Variants in PCDHGB6 observed in about 807,000 individuals in gnomAD.
PCDHGB6 encodes the protein protocadherin gamma subfamily B, 6, also known as protocadherin gamma-B6.
Under a neutral mutation model 59.1 loss-of-function variants are expected in PCDHGB6, and 51 were observed. The ratio of observed to expected loss-of-function variants is 0.86; its 90% CI spans 0.69 to 1.09. The LOEUF is 1.09. Among genes scored for constraint, PCDHGB6 ranks in the 50% least tolerant of loss-of-function variants. PCDHGB6 has a pLI of 0.00. For synonymous variants in PCDHGB6, 466 were observed against 495.1 expected (o/e 0.94, Z 0.78); for missense variants, 1,148 against 1,205.1 (o/e 0.95, Z 0.70).
At chr5:141,413,550 A>C (rs2095653911) in intron 1 of PCDHGB6, 1 of 1,613,974 alleles carries the variant, frequency 6.2e-7, no homozygotes, top group Non-Finnish European at 8.5e-7. Context: ...GGATAGAAAT[A>C]GAAGTAACTG....
At position 141,432,349 on chromosome 5, in the gene PCDHGB6, G is replaced by T; in HGVS notation, c.2418+21729G>T. On this transcript the variant is annotated intron_variant, in intron 1 of 3. Transcript: ENST00000520790. This position sits in a 1 kb window ranked among gnomAD's most constrained non-coding sequence, Gnocchi z 6.0. Reference sequence around the variant, plus strand: ...ACGAGCAGTTCCGAGACTTGCAAGTGAAAGTGATGGCGCGGGACAACGGGC... The same window carrying T: ...ACGAGCAGTTCCGAGACTTGCAAGTTAAAGTGATGGCGCGGGACAACGGGC... 4 of 1,614,240 alleles carry T rather than the reference G, an allele frequency of 2.5e-6. No homozygotes were observed. Among genetic ancestry groups the T allele is most frequent in the Non-Finnish European group, 1.7e-6 (2 of 1,180,046 alleles).
chr5:141,415,739 G>A, intron 1 of PCDHGB6: 4 of 434,948 alleles, frequency 9.2e-6, no homozygotes, highest in Non-Finnish European at 1.3e-5. Context: ...TGTTTATTAA[G>A]GTTTTTTTTT....
In PCDHGB6 at chr5:141,418,608, GC is replaced by G. The variant is rs1422456031; in HGVS notation, c.2418+7990del. On this transcript the variant is annotated intron_variant, in intron 1 of 3. Transcript: ENST00000520790. Reference sequence around the variant, plus strand: ...TTCAGCCAGGACGTGTACAGGGTTAGCCTTCGGGAAGACGTGCCTCCAGGCA... The same window carrying G: ...TTCAGCCAGGACGTGTACAGGGTTAGCTTCGGGAAGACGTGCCTCCAGGCA... 4 of 1,613,922 alleles carry G rather than the reference GC, an allele frequency of 2.5e-6. No individual in the cohort carries two copies. In the African/African-American group the frequency reaches 5.3e-5, roughly 22 times the overall value.
At chr5:141,457,500 A>G (rs1483244745) in intron 1 of PCDHGB6, among the ~76,000 whole-genome samples, 1 of 152,244 alleles carries the variant, frequency 6.6e-6, no homozygotes, top group African/African-American at 2.4e-5. Context: ...AAATGTAGGC[A>G]AAAAGCTTAA....
At chr5:141,510,862 C>T (rs764422869) in intron 3 of PCDHGB6, 85 bp from the exon 4 acceptor site, 22 of 1,606,772 alleles carry the variant, frequency 1.4e-5, no homozygotes, top group Non-Finnish European at 1.7e-5. Flanking sequence ...GCTGTATAGG[C>T]ATTCATTAAC....
intron 2 of PCDHGB6, among the ~76,000 whole-genome samples, chr5:141,505,177 A>G (rs917485235): frequency 6.6e-6 from 1 of 152,180 alleles, no homozygotes; most frequent in East Asian, 1.9e-4. Flanking sequence ...AAAAGAAAAA[A>G]GCATCGGAGG....
chr5:141,450,071 A>G (rs1039802551), intron 1 of PCDHGB6, among the ~76,000 whole-genome samples: 3 of 139,286 alleles, frequency 2.2e-5, no homozygotes, highest in Non-Finnish European at 3.0e-5. Flanking sequence ...CAGTGGTATG[A>G]TCTTGGCTCA....
At position 141,432,783 on chromosome 5, in the gene PCDHGB6, T is replaced by G; in HGVS notation, c.2418+22163T>G. The G allele has an allele frequency of 6.2e-7, 1 of 1,614,118 alleles. No individual in the cohort carries two copies. On this transcript the variant is annotated intron_variant, in intron 1 of 3. Transcript: ENST00000520790. The surrounding 1 kb of genome is among the most constrained non-coding windows in gnomAD (Gnocchi z 6.0). ...AGCATCCCCCAAGTCCTGGCGGACC[T>G]CGGCAGCCTCGAGTCTCCAGCTAAC...
chr5:141,429,330 T>C (rs2097204620), intron 1 of PCDHGB6, among the ~76,000 whole-genome samples: 1 of 152,188 alleles, frequency 6.6e-6, no homozygotes, highest in East Asian at 1.9e-4. Flanking sequence ...CTTTAATCCA[T>C]TAACTATAAA....
At chr5:141,492,382 T>C (rs71583650) in intron 1 of PCDHGB6, among the ~76,000 whole-genome samples, 2,103 of 152,322 alleles carry the variant, frequency 0.014, 36 homozygotes, top group African/African-American at 0.031. Flanking sequence ...ACAGGCCTGT[T>C]CCGGTCCACT....
chr5:141,433,236 C>G, intron 1 of PCDHGB6: 2 of 1,501,160 alleles, frequency 1.3e-6, no homozygotes, highest in South Asian at 1.3e-5. Flanking sequence ...CTCTGTCTCC[C>G]AAGCTGGAAT....
intron 2 of PCDHGB6, among the ~76,000 whole-genome samples, chr5:141,498,971 G>GGAA (rs2099787559): frequency 9.0e-6 from 1 of 110,972 alleles, no homozygotes; most frequent in African/African-American, 3.6e-5. Flanking sequence ...GAGGGAGGGA[G>GGAA]GGAAGGAAGG....
intron 1 of PCDHGB6, among the ~76,000 whole-genome samples, chr5:141,469,088 G>A (rs1388316490): frequency 6.6e-6 from 1 of 151,604 alleles, no homozygotes; most frequent in Non-Finnish European, 1.5e-5. Context: ...ACCATTCTAG[G>A]CAACAAAGCA....
intron 3 of PCDHGB6, among the ~76,000 whole-genome samples, chr5:141,509,211 C>T (rs962706371): frequency 2.0e-5 from 3 of 152,180 alleles, no homozygotes; most frequent in African/African-American, 4.8e-5. Context: ...CTCTCTATTT[C>T]TCAATCCCTG....
chr5:141,476,158 G>A lies in PCDHGB6; in HGVS notation c.2419-18649G>A. 2 of 1,612,868 alleles carry A rather than the reference G, an allele frequency of 1.2e-6. No homozygotes were observed. Among genetic ancestry groups the A allele is most frequent in the Non-Finnish European group, 1.7e-6 (2 of 1,179,894 alleles). On this transcript the variant is annotated intron_variant, in intron 1 of 3. Transcript: ENST00000520790. The surrounding 1 kb of genome is among the most constrained non-coding windows in gnomAD (Gnocchi z 7.6). ...GGAGGAGCGGACTGGTAAGCACCGGGAGGGTAGTGGGAGTTTTGCTTCTGC... is the reference window on the plus strand; with the variant it reads ...GGAGGAGCGGACTGGTAAGCACCGGAAGGGTAGTGGGAGTTTTGCTTCTGC...
intron 1 of PCDHGB6, chr5:141,421,422 C>A (rs908483513): frequency 6.2e-7 from 1 of 1,614,086 alleles, no homozygotes; most frequent in South Asian, 1.1e-5. Flanking sequence ...AGCGCGGAGT[C>A]CGCATCGTCT....
Position 141,486,544 on chromosome 5 carries a change from G to C in PCDHGB6, c.2419-8263G>C, listed in dbSNP as rs1376583724. Reference sequence around the variant, plus strand: ...ATGATAATCCACCCTCTTTCTTTCAGAGGTCACATGAGGTGTTTGTTCCTG... The same window carrying C: ...ATGATAATCCACCCTCTTTCTTTCACAGGTCACATGAGGTGTTTGTTCCTG... On this transcript the variant is annotated intron_variant, in intron 1 of 3. Coordinates refer to ENST00000520790, the MANE Select transcript of PCDHGB6 (RefSeq NM_018926.3). The surrounding 1 kb of genome is among the most constrained non-coding windows in gnomAD (Gnocchi z 5.0). The C allele has an allele frequency of 6.2e-7, 1 of 1,613,964 alleles. No homozygotes were observed. The highest frequency in any genetic ancestry group is 1.3e-5 in the African/African-American group (1 of 74,932).
intron 1 of PCDHGB6, among the ~76,000 whole-genome samples, chr5:141,472,711 C>T (rs1014451209): frequency 4.6e-5 from 7 of 151,904 alleles, no homozygotes; most frequent in Admixed American, 2.0e-4. Context: ...ACAGGCCAGG[C>T]GCTGTGGCTC....
At chr5:141,421,009 T>C (rs948913987) in intron 1 of PCDHGB6, 1 of 515,496 alleles carries the variant, frequency 1.9e-6, no homozygotes, top group East Asian at 3.2e-5. Flanking sequence ...AATCAGGGAA[T>C]GGGAAGCTGC....
Sources: gnomAD v4.1 joint callset for allele counts (sites outside exome capture counted in the v4.1 genomes callset) on GRCh38, gnomAD v4.1.1 for gene constraint, Gnocchi (gnomAD v3.1) non-coding constraint, MANE v1.5 for transcripts, NCBI Gene and HGNC (gene_info 2026-07-23, HGNC 2026-07-21) for gene names.